ADGRB3: variants seen among roughly 807,000 people sequenced by gnomAD.
ADGRB3 encodes brain-specific angiogenesis inhibitor 3.
A neutral mutation model predicts 193.4 loss-of-function variants in ADGRB3; 37 were observed. That is an observed-to-expected ratio of 0.19 (90% confidence interval 0.15 to 0.25). The LOEUF is 0.25. ADGRB3 is among the 10% of genes least tolerant of loss of function. The pLI is 1.00. For missense variants in ADGRB3, 1,637 were observed against 1,852.9 expected (o/e 0.88, Z 2.14); for synonymous variants, 690 against 644.2 (o/e 1.07, Z -1.08).
intron 3 of ADGRB3, among the ~76,000 whole-genome samples, chr6:68,652,771 C>G (rs1271348234): frequency 6.6e-6 from 1 of 151,994 alleles, no homozygotes. Flanking sequence ...ACTCAAGTTT[C>G]TTGGAATAAG....
intron 3 of ADGRB3, among the ~76,000 whole-genome samples, chr6:68,883,263 C>CAAAACGGACCAATCAGCGCTCTGT (rs1765785842): frequency 6.6e-6 from 1 of 152,124 alleles, no homozygotes; most frequent in Non-Finnish European, 1.5e-5. Flanking sequence ...AGCACCCTGT[C>CAAAACGGACCAATCAGCGCTCTGT]AAAACGGACC....
chr6:68,873,266 C>T (rs949124149), intron 3 of ADGRB3, among the ~76,000 whole-genome samples: 2 of 149,972 alleles, frequency 1.3e-5, no homozygotes, highest in African/African-American at 4.8e-5. Flanking sequence ...AATTCCAAGC[C>T]AGTCTCAGCA....
At chr6:69,020,793 T>C (rs1221287853) in intron 13 of ADGRB3, among the ~76,000 whole-genome samples, 1 of 152,040 alleles carries the variant, frequency 6.6e-6, no homozygotes, top group Non-Finnish European at 1.5e-5. Flanking sequence ...TGACTGACAC[T>C]GTAGTTTGGT....
chr6:69,322,837 A>G (rs1014334721), intron 20 of ADGRB3, among the ~76,000 whole-genome samples: 9 of 151,944 alleles, frequency 5.9e-5, no homozygotes, highest in African/African-American at 2.2e-4. Context: ...TTAAGGATAA[A>G]TAGTTTATCC....
intron 8 of ADGRB3, among the ~76,000 whole-genome samples, chr6:68,964,243 G>C (rs987298934): frequency 6.6e-6 from 1 of 152,116 alleles, no homozygotes; most frequent in Non-Finnish European, 1.5e-5. Flanking sequence ...TGTTTCTATA[G>C]CGAGTTGTTC....
At chr6:69,129,066 C>T (rs1406668632) in intron 17 of ADGRB3, among the ~76,000 whole-genome samples, 1 of 152,174 alleles carries the variant, frequency 6.6e-6, no homozygotes, top group Non-Finnish European at 1.5e-5. Flanking sequence ...ATGTAAATTG[C>T]TTTTGATACT....
intron 3 of ADGRB3, among the ~76,000 whole-genome samples, chr6:68,813,342 C>T (rs1478783264): frequency 2.6e-5 from 4 of 152,084 alleles, no homozygotes; most frequent in Non-Finnish European, 5.9e-5. Flanking sequence ...AGCATGAAAA[C>T]GGACTGATAC....
intron 20 of ADGRB3, among the ~76,000 whole-genome samples, chr6:69,319,300 T>C (rs903062925): frequency 2.6e-5 from 4 of 151,312 alleles, no homozygotes; most frequent in African/African-American, 9.7e-5. Context: ...TTTTGATTTC[T>C]AATTTTATTA....
intron 20 of ADGRB3, among the ~76,000 whole-genome samples, chr6:69,269,597 G>A (rs983173115): frequency 3.9e-5 from 6 of 152,048 alleles, no homozygotes; most frequent in Non-Finnish European, 8.8e-5. Context: ...TTCTAAGGGA[G>A]TCAATGCTAA....
chr6:69,385,152 A>T (rs1371801236), intron 31 of ADGRB3, among the ~76,000 whole-genome samples: 2 of 151,676 alleles, frequency 1.3e-5, no homozygotes, highest in South Asian at 2.1e-4. Context: ...CAGAGAAGAA[A>T]CTATTTTACT....
intron 10 of ADGRB3, among the ~76,000 whole-genome samples, chr6:68,988,646 G>C (rs3798992): frequency 6.6e-6 from 1 of 151,836 alleles, no homozygotes; most frequent in Non-Finnish European, 1.5e-5. Context: ...ATCAAAGCCA[G>C]AACTGTAGGA....
intron 3 of ADGRB3, among the ~76,000 whole-genome samples, chr6:68,702,121 G>A (rs1441449477): frequency 2.0e-5 from 3 of 152,044 alleles, no homozygotes; most frequent in South Asian, 4.1e-4. Flanking sequence ...AGCAACATCT[G>A]CTTCTGGGGA....
chr6:69,367,585 G>A (rs2127337169), intron 29 of ADGRB3, among the ~76,000 whole-genome samples: 1 of 152,002 alleles, frequency 6.6e-6, no homozygotes, highest in Non-Finnish European at 1.5e-5. Flanking sequence ...TGTGATTGTG[G>A]TTTTGATTTG....
chr6:69,320,825 A>G (rs56132572), intron 20 of ADGRB3, among the ~76,000 whole-genome samples: 3,041 of 146,330 alleles, frequency 0.021, 97 homozygotes, highest in African/African-American at 0.068. Flanking sequence ...GCATGTGTGT[A>G]TGTGTGTGTG....
chr6:68,978,177 T>A (rs1286711952), intron 10 of ADGRB3, among the ~76,000 whole-genome samples: 1 of 151,496 alleles, frequency 6.6e-6, no homozygotes, highest in Non-Finnish European at 1.5e-5. Flanking sequence ...ATTTCTGGGT[T>A]CAGAAAATTG....
chr6:68,958,571 A>C (rs1208138460), intron 8 of ADGRB3, among the ~76,000 whole-genome samples: 3 of 152,146 alleles, frequency 2.0e-5, no homozygotes, highest in Non-Finnish European at 2.9e-5. Context: ...TGCTGTTTGA[A>C]AAACATTTTA....
At chr6:69,116,417 A>T (rs1773534048) in intron 17 of ADGRB3, among the ~76,000 whole-genome samples, 1 of 152,162 alleles carries the variant, frequency 6.6e-6, no homozygotes, top group Admixed American at 6.5e-5. Context: ...CTAATACTAA[A>T]TTAAACTGGA....
At chr6:68,899,799 A>G (rs1160463032) in intron 3 of ADGRB3, among the ~76,000 whole-genome samples, 2 of 152,050 alleles carry the variant, frequency 1.3e-5, no homozygotes, top group Admixed American at 1.3e-4. Flanking sequence ...ATTATGTCTC[A>G]GCAGAGAATT....
intron 10 of ADGRB3, among the ~76,000 whole-genome samples, chr6:68,993,155 T>C (rs1298672199): frequency 1.3e-5 from 2 of 151,784 alleles, no homozygotes; most frequent in African/African-American, 2.4e-5. Context: ...ATTCTGTTGC[T>C]GAAGACCCAG....
Sources: allele counts gnomAD v4.1 joint callset (sites outside exome capture counted in the v4.1 genomes callset), GRCh38; gene constraint gnomAD v4.1.1; transcripts MANE v1.5; gene names NCBI Gene and HGNC (gene_info 2026-07-23, HGNC 2026-07-21).